The following NOX4 variants were observed in gnomAD, a reference collection of about 807,000 sequenced individuals.
NOX4 encodes the protein kidney oxidase-1.
Under a neutral mutation model 87.6 loss-of-function variants are expected in NOX4, and 69 were observed. The observed-to-expected ratio is 0.79, with a 90% confidence interval of 0.65 to 0.96. The LOEUF (loss-of-function observed/expected upper bound fraction) is 0.96, where lower values mean the gene tolerates loss of function less well. NOX4 is among the 40% of genes least tolerant of loss of function. The probability of loss-of-function intolerance (pLI) is 0.00; values close to 1 mark genes in which losing one functional copy is unlikely to be tolerated. For missense variants in NOX4, 680 were observed against 681.5 expected, an observed-to-expected ratio of 1.00 and a Z score of 0.02; for synonymous variants, 275 against 238.2, an observed-to-expected ratio of 1.15 and a Z score of -1.42.
At chr11:89,419,420 T>A (rs1470289318) in intron 8 of NOX4, among the ~76,000 whole-genome samples, 1 of 152,006 alleles carries the variant, frequency 6.6e-6, no homozygotes, top group South Asian at 2.1e-4. Context: ...TTCATCAGTA[T>A]AGTTTTTTTT....
At chr11:89,451,021 C>T (rs1430341229) in intron 3 of NOX4, among the ~76,000 whole-genome samples, 1 of 139,758 alleles carries the variant, frequency 7.2e-6, no homozygotes, top group Non-Finnish European at 1.5e-5. Flanking sequence ...AATGAGAACA[C>T]TTGGACACAG....
chr11:89,456,527 G>C (rs1352312672), intron 2 of NOX4, among the ~76,000 whole-genome samples: 1 of 152,150 alleles, frequency 6.6e-6, no homozygotes. Flanking sequence ...AGTGGATGCA[G>C]TTAGGACACA....
chr11:89,396,517 G>A (rs140760033), intron 11 of NOX4, among the ~76,000 whole-genome samples: 2,855 of 152,070 alleles, frequency 0.019, 85 homozygotes, highest in African/African-American at 0.065. Flanking sequence ...AAGAGACACA[G>A]ACTGGCAAAT....
intron 11 of NOX4, among the ~76,000 whole-genome samples, chr11:89,397,946 A>G (rs1941596179): frequency 6.6e-6 from 1 of 152,078 alleles, no homozygotes. Context: ...AAAAGAGGGA[A>G]TCCTCCCTAA....
At chr11:89,543,539 T>C in the NOX4 span, among the ~76,000 whole-genome samples, 1 of 152,106 alleles carries the variant, frequency 6.6e-6, no homozygotes, top group African/African-American at 2.4e-5. Flanking sequence ...TATATATTCC[T>C]GACAATTTTA....
At chr11:89,483,310 G>T (rs1008182226) in intron 2 of NOX4, among the ~76,000 whole-genome samples, 5 of 151,908 alleles carry the variant, frequency 3.3e-5, no homozygotes, top group African/African-American at 1.2e-4. Flanking sequence ...TATTAATGTT[G>T]CAAAGAAACA....
At chr11:89,340,859 T>A (rs1228645113) in intron 14 of NOX4, among the ~76,000 whole-genome samples, 1 of 152,136 alleles carries the variant, frequency 6.6e-6, no homozygotes, top group Non-Finnish European at 1.5e-5. Flanking sequence ...TAGAGCATGA[T>A]CATTTTTGTA....
chr11:89,484,551 G>A (rs965086760), intron 2 of NOX4, among the ~76,000 whole-genome samples: 1 of 151,840 alleles, frequency 6.6e-6, no homozygotes, highest in Non-Finnish European at 1.5e-5. Context: ...GGCTAATATT[G>A]GACTAAGGAG....
chr11:89,436,373 G>A (rs1944082582), intron 6 of NOX4, among the ~76,000 whole-genome samples: 1 of 152,120 alleles, frequency 6.6e-6, no homozygotes, highest in African/African-American at 2.4e-5. Context: ...GAAAACACCG[G>A]CTGGAAATCA....
chr11:89,486,697 C>CAT lies in NOX4; in HGVS notation c.153+3759_153+3760dup, dbSNP rs71052235. 4.5e-3 allele frequency among the ~76,000 whole-genome samples: 93 copies of CAT among 20,570 alleles called. 15 individuals are homozygous for CAT. The highest frequency in any genetic ancestry group is 7.1e-3 in the Non-Finnish European group (60 of 8,404). The allele number at this position is 20,570 out of a possible 152,430, so 13.5% of individuals were successfully genotyped here. A position where few individuals can be genotyped will look rare whatever the true frequency, so the allele number is the denominator to read the frequency against. On this transcript the variant is annotated intron_variant, in intron 2 of 17. Transcript: ENST00000263317. ...ATGTGTGTATATATGTGTATATATA[C>CAT]ATATATGTGTGTATATATGTGTATA... is the stretch of plus-strand genomic sequence containing the variant.
intron 3 of NOX4, among the ~76,000 whole-genome samples, chr11:89,451,534 T>C (rs1272212874): frequency 3.3e-5 from 5 of 152,170 alleles, no homozygotes; most frequent in Non-Finnish European, 7.4e-5. Context: ...GTAAGAATTG[T>C]CCAGCATGTA....
chr11:89,386,851 A>C (rs559782267), intron 11 of NOX4, among the ~76,000 whole-genome samples: 13 of 152,104 alleles, frequency 8.5e-5, no homozygotes, highest in Non-Finnish European at 1.9e-4. Flanking sequence ...GGGTCCTCCC[A>C]ATTCTTAGTC....
chr11:89,473,481 G>C (rs1946034109), intron 2 of NOX4, among the ~76,000 whole-genome samples: 2 of 151,302 alleles, frequency 1.3e-5, no homozygotes, highest in Non-Finnish European at 2.9e-5. Context: ...AAAAATGAGA[G>C]AAAACGCACA....
intron 6 of NOX4, among the ~76,000 whole-genome samples, chr11:89,439,692 T>C (rs1944372353): frequency 6.6e-6 from 1 of 152,172 alleles, no homozygotes; most frequent in South Asian, 2.1e-4. Context: ...GCATCTTTAT[T>C]CTTTCATCTT....
chr11:89,369,133 G>A (rs1939243588), intron 12 of NOX4, among the ~76,000 whole-genome samples: 1 of 151,984 alleles, frequency 6.6e-6, no homozygotes, highest in Admixed American at 6.6e-5. Context: ...CTAACCTTGT[G>A]TAACAGTGCA....
Position 89,449,289 on chromosome 11 carries a change from C to A in NOX4, c.349+151G>T. 8.7e-6 allele frequency: 5 copies of A among 573,306 alleles called. No homozygotes were observed. The South Asian group carries it at 1.3e-4, about 15-fold the overall frequency. 35.5% of individuals were successfully genotyped at this position (573,306 alleles called of 1,614,324 possible). A position where few individuals can be genotyped will look rare whatever the true frequency, so the allele number is the denominator to read the frequency against. ...TTAATGACATTATATGTTAATATAT[C>A]TGCAGGCAATTACCCCAAATTGTCA... On this transcript the variant is annotated intron_variant, in intron 4 of 17. Coordinates refer to ENST00000263317, the MANE Select transcript of NOX4 (RefSeq NM_016931.5).
intron 6 of NOX4, among the ~76,000 whole-genome samples, chr11:89,435,112 T>A (rs761714170): frequency 4.6e-5 from 7 of 152,110 alleles, no homozygotes; most frequent in Non-Finnish European, 7.4e-5. Flanking sequence ...TACATGTGTA[T>A]AATTAGTGTA....
In NOX4 at chr11:89,402,430, G is replaced by T. The variant is rs1941920645; in HGVS notation, c.742C>A (p.His248Asn). 2.5e-6 allele frequency: 4 copies of T among 1,613,214 alleles called. No homozygotes were observed. The highest frequency in any genetic ancestry group is 2.5e-6 in the Non-Finnish European group (3 of 1,179,578). Residue 248 changes from histidine (H) to asparagine (N), a missense_variant, in exon 9 of 18, where the codon CAT becomes AAT. By Grantham distance (68) the His-to-Asn change is moderately conservative. Transcript: ENST00000263317. ...SLPEYFSEHF[H>N]EPFPEGFSKP... ...GAAAATCCTTCAGGGAAAGGTTCAT[G>T]AAAATGTTCTGAGAAATACTCTGGT... is the stretch of plus-strand genomic sequence containing the variant.
At chr11:89,360,831 C>T (rs540478339) in intron 12 of NOX4, among the ~76,000 whole-genome samples, 1 of 151,878 alleles carries the variant, frequency 6.6e-6, no homozygotes, top group Non-Finnish European at 1.5e-5. Flanking sequence ...CATACAACAG[C>T]TAACAAACAT....
Sources: allele counts gnomAD v4.1 joint callset (sites outside exome capture counted in the v4.1 genomes callset), GRCh38; gene constraint gnomAD v4.1.1; transcripts MANE v1.5; gene names NCBI Gene and HGNC (gene_info 2026-07-23, HGNC 2026-07-21).